Variants in ACOX3 observed in about 807,000 individuals in gnomAD.
The protein encoded by ACOX3 is acyl-CoA oxidase 3, pristanoyl, also known as peroxisomal acyl-coenzyme A oxidase 3.
ACOX3 carries 73 observed loss-of-function variants against 81.5 expected under a neutral mutation model. That is an observed-to-expected ratio of 0.90 (90% confidence interval 0.74 to 1.09). ACOX3 has a LOEUF of 1.09. ACOX3 is among the 50% of genes least tolerant of loss of function. The pLI is 0.00. For synonymous variants in ACOX3, 387 were observed against 375.1 expected (o/e 1.03, Z -0.37); for missense variants, 947 against 928.0 (o/e 1.02, Z -0.27).
intron 13 of ACOX3, among the ~76,000 whole-genome samples, chr4:8,387,760 G>A (rs748867814): frequency 6.6e-5 from 10 of 152,170 alleles, no homozygotes; most frequent in Admixed American, 5.2e-4. Flanking sequence ...CGAGCTTTGC[G>A]GTCCCACAGG....
intron 11 of ACOX3, among the ~76,000 whole-genome samples, chr4:8,390,164 C>A (rs1244093099): frequency 2.1e-5 from 3 of 139,980 alleles, no homozygotes; most frequent in Non-Finnish European, 4.5e-5. Flanking sequence ...ATAGTGAGAC[C>A]CTATCTCTAT....
At position 8,386,295 on chromosome 4, in the gene ACOX3, G is replaced by C. The variant is rs897126839; in HGVS notation, c.1537+2878C>G. ...TAGAAAGTGACTTGCGGCCGGGCGTGGTGGCTCATGCCTGTGATCCCAGCA... is the reference window on the plus strand; with the variant it reads ...TAGAAAGTGACTTGCGGCCGGGCGTCGTGGCTCATGCCTGTGATCCCAGCA... On this transcript the variant is annotated intron_variant, in intron 13 of 17. Coordinates refer to ENST00000356406, the MANE Select transcript of ACOX3 (RefSeq NM_003501.3). The surrounding 1 kb of genome is among the most constrained non-coding windows in gnomAD (Gnocchi z 5.2). Among the ~76,000 whole-genome samples the C allele has an allele frequency of 9.2e-5, 14 of 152,244 alleles. No individual in the cohort carries two copies. In the East Asian group the frequency reaches 1.7e-3, roughly 19 times the overall value.
chr4:8,410,233 C>G lies in ACOX3; in HGVS notation c.666G>C (p.Gly222=). The change falls in exon 6 of 18, where the codon GGG becomes GGC. Residue 222 remains glycine, a synonymous_variant. Coordinates refer to ENST00000356406, the MANE Select transcript of ACOX3 (RefSeq NM_003501.3). The part of the protein sequence containing the change: ...KLCVPGDQCH[G]LHPFIVQIRD... Reference sequence around the variant, plus strand: ...CTACCTGCACGATAAAGGGATGCAGCCCATGGCACTGGTCCCCTGGCACAC... The same window carrying G: ...CTACCTGCACGATAAAGGGATGCAGGCCATGGCACTGGTCCCCTGGCACAC... 6.2e-7 allele frequency: 1 copy of G among 1,614,028 alleles called. No homozygotes were observed. Among genetic ancestry groups the G allele is most frequent in the Non-Finnish European group, 8.5e-7 (1 of 1,179,922 alleles).
intron 14 of ACOX3, 111 bp from the exon 15 acceptor site, chr4:8,375,263 T>G: frequency 1.9e-6 from 2 of 1,073,116 alleles, no homozygotes; most frequent in Non-Finnish European, 2.6e-6. Flanking sequence ...CCCGTGCATG[T>G]CCTAGGACAG....
In ACOX3 at chr4:8,366,506, A is replaced by T. The variant is rs567897477; in HGVS notation, c.*455T>A. 2 of 156,812 alleles carry T rather than the reference A, an allele frequency of 1.3e-5. No individual in the cohort carries two copies. Among genetic ancestry groups the T allele is most frequent in the Non-Finnish European group, 2.8e-5 (2 of 70,710 alleles). 9.7% of individuals were successfully genotyped at this position (156,812 alleles called of 1,614,324 possible). The stretch of plus-strand genomic sequence containing the variant: ...AATAAGGTTATGACATAATTCAATT[A>T]TGTGACAAAGCCGAGGGAGAGTTGA... On this transcript the variant is annotated 3_prime_UTR_variant, in exon 18 of 18. Transcript: ENST00000356406.
Position 8,430,817 on chromosome 4 carries a change from T to C in ACOX3, c.-15+9831A>G, listed in dbSNP as rs563698926. Among the ~76,000 whole-genome samples the C allele has an allele frequency of 6.6e-6, 1 of 152,224 alleles. No homozygotes were observed. Among genetic ancestry groups the C allele is most frequent in the Admixed American group, 6.5e-5 (1 of 15,292 alleles). ...GTTGCAGTGAGCCAAGGTAGCACCA[T>C]TGCACTCCAGCCTGGGTGACAAGAG... On this transcript the variant is annotated intron_variant, in intron 1 of 17. Transcript: ENST00000356406. This position sits in a 1 kb window ranked among gnomAD's most constrained non-coding sequence, Gnocchi z 5.2.
In ACOX3 at chr4:8,386,484, A is replaced by T. The variant is rs545271127; in HGVS notation, c.1537+2689T>A. Among the ~76,000 whole-genome samples, 10 of 151,382 alleles carry T rather than the reference A, an allele frequency of 6.6e-5. No individual in the cohort carries two copies. The highest frequency in any genetic ancestry group is 9.7e-5 in the African/African-American group (4 of 41,270). The stretch of plus-strand genomic sequence containing the variant: ...CGGAGGCTGAGGCAGGAGAATGGCG[A>T]GAACCTGGGAGGTGGAGCTTGCAGT... On this transcript the variant is annotated intron_variant, in intron 13 of 17. Transcript: ENST00000356406. The surrounding 1 kb of genome is among the most constrained non-coding windows in gnomAD (Gnocchi z 5.2).
In ACOX3 at chr4:8,397,087, C is replaced by T. The variant is rs376213174; in HGVS notation, c.906G>A (p.Gly302=). The part of the protein sequence containing the change: ...DVRQRFGASL[G]SLSSGRVSIV... The stretch of plus-strand genomic sequence containing the variant: ...TGGAGACCCGGCCCGAGGACAGGCT[C>T]CCCAGGGACGCTCCAAAGCGCTGCC... Residue 302 remains glycine, a synonymous_variant, in exon 9 of 18, where the codon GGG becomes GGA. Transcript: ENST00000356406. 2.6e-5 allele frequency: 41 copies of T among 1,584,776 alleles called. No homozygotes were observed. The highest frequency in any genetic ancestry group is 4.1e-5 in the African/African-American group (3 of 73,166).
At chr4:8,397,729 CT>C (rs1719879074) in intron 8 of ACOX3, among the ~76,000 whole-genome samples, 1 of 152,244 alleles carries the variant, frequency 6.6e-6, no homozygotes. Flanking sequence ...TCTGACCGTC[CT>C]TCCTGCCCTG....
rs1342077625 is a variant in ACOX3, at chr4:8,385,185, C to T, written c.1538-3578G>A. ...CAGTGCTGACCCAATAGCCTGTGCT[C>T]CCACCCTCTGGGAGCACTGTCTGCA... is the stretch of plus-strand genomic sequence containing the variant. On this transcript the variant is annotated intron_variant, in intron 13 of 17. Transcript: ENST00000356406. This position sits in a 1 kb window ranked among gnomAD's most constrained non-coding sequence, Gnocchi z 5.5. Among the ~76,000 whole-genome samples, 4 of 152,164 alleles carry T rather than the reference C, an allele frequency of 2.6e-5. No individual in the cohort carries two copies. Among genetic ancestry groups the T allele is most frequent in the Non-Finnish European group, 5.9e-5 (4 of 68,028 alleles).
intron 1 of ACOX3, among the ~76,000 whole-genome samples, chr4:8,424,848 T>A (rs1308578217): frequency 6.6e-6 from 1 of 152,186 alleles, no homozygotes; most frequent in Non-Finnish European, 1.5e-5. Context: ...CTGACGGAAG[T>A]TCCTTTGTAG....
At position 8,397,021 on chromosome 4, in the gene ACOX3, G is replaced by A. The variant is rs780589419; in HGVS notation, c.972C>T (p.Ala324=). 1 of 1,611,798 alleles carries A rather than the reference G, an allele frequency of 6.2e-7. No homozygotes were observed. Among genetic ancestry groups the A allele is most frequent in the Non-Finnish European group, 8.5e-7 (1 of 1,179,102 alleles). Residue 324 remains alanine (A), a synonymous_variant, in exon 9 of 18, where the codon GCC becomes GCT. Transcript: ENST00000356406. ...LAILNLKLAV[A]IALRFSATRR... Reference sequence around the variant, plus strand: ...GAGTGGCTGAGAAGCGAAGAGCGATGGCCACGGCCAGCTTTAGGTTAAGGA... The same window carrying A: ...GAGTGGCTGAGAAGCGAAGAGCGATAGCCACGGCCAGCTTTAGGTTAAGGA...
At chr4:8,392,257 G>T in intron 11 of ACOX3, 76 bp downstream of exon 11, 1 of 1,358,368 alleles carries the variant, frequency 7.4e-7, no homozygotes, top group East Asian at 2.7e-5. Context: ...TCAGGCCGCA[G>T]TCTGCCGACC....
intron 13 of ACOX3, among the ~76,000 whole-genome samples, chr4:8,387,389 G>T (rs893535146): frequency 6.6e-6 from 1 of 152,204 alleles, no homozygotes; most frequent in Non-Finnish European, 1.5e-5. Context: ...CACTCAGGAA[G>T]GTGGGCTACT....
intron 14 of ACOX3, among the ~76,000 whole-genome samples, chr4:8,377,948 G>T (rs1241620713): frequency 6.6e-6 from 1 of 152,158 alleles, no homozygotes; most frequent in African/African-American, 2.4e-5. Context: ...CCCACCAGCT[G>T]CCCCCTAGAC....
At position 8,416,573 on chromosome 4, in the gene ACOX3, T is replaced by C; in HGVS notation, c.-14-38A>G. The C allele has an allele frequency of 6.6e-7, 1 of 1,526,108 alleles. No individual in the cohort carries two copies. 94.5% of individuals were successfully genotyped at this position (1,526,108 alleles called of 1,614,324 possible). On this transcript the variant is annotated intron_variant, in intron 1 of 17. Transcript: ENST00000356406. The surrounding 1 kb of genome is among the most constrained non-coding windows in gnomAD (Gnocchi z 4.2). ...TGCAACCTGAATCCATGCTCTCCCA[T>C]CTATGGGTTCAAACTACCCCCACCA...
chr4:8,374,839 C>T (rs1470933623), intron 15 of ACOX3, 139 bp downstream of exon 15: 3 of 948,654 alleles, frequency 3.2e-6, no homozygotes, highest in Non-Finnish European at 2.9e-6. Flanking sequence ...AACTGGGCTT[C>T]TCATCTGTCC....
the ACOX3 span, chr4:8,357,551 C>T: frequency 2.3e-4 from 70 of 301,594 alleles, no homozygotes; most frequent in Non-Finnish European, 4.0e-4. Flanking sequence ...ACGGTGGCAG[C>T]AAGCAATGAC....
At chr4:8,374,829 A>T in intron 15 of ACOX3, 149 bp downstream of exon 15, 1 of 850,398 alleles carries the variant, frequency 1.2e-6, no homozygotes. Context: ...CTCATTATGG[A>T]ACTGGGCTTC....
Sources: gnomAD v4.1 joint callset for allele counts (sites outside exome capture counted in the v4.1 genomes callset) on GRCh38, gnomAD v4.1.1 for gene constraint, Gnocchi (gnomAD v3.1) non-coding constraint, MANE v1.5 for transcripts, NCBI Gene and HGNC (gene_info 2026-07-23, HGNC 2026-07-21) for gene names.